DENND5B: variants seen among roughly 807,000 people sequenced by gnomAD.
DENND5B encodes DENN domain-containing protein 5B.
DENND5B carries 34 observed loss-of-function variants against 140.6 expected under a neutral mutation model. That is an observed-to-expected ratio of 0.24 (90% CI 0.18 to 0.32). DENND5B has a LOEUF of 0.32. Among genes scored for constraint, DENND5B ranks in the 10% least tolerant of loss-of-function variants. The probability of loss-of-function intolerance (pLI) is 1.00; values close to 1 mark genes in which losing one functional copy is unlikely to be tolerated. For synonymous variants in DENND5B, 551 were observed against 562.1 expected (o/e 0.98, Z 0.28); for missense variants, 1,142 against 1,560.2 (o/e 0.73, Z 4.52).
At chr12:31,395,547 C>CA (rs1200584696) in intron 17 of DENND5B, among the ~76,000 whole-genome samples, 1 of 151,980 alleles carries the variant, frequency 6.6e-6, no homozygotes, top group African/African-American at 2.4e-5. Flanking sequence ...GAGATGAGAC[C>CA]GCACCACTGC....
chr12:31,467,301 AGATAT>A (rs1186667195), intron 3 of DENND5B, among the ~76,000 whole-genome samples: 1 of 152,152 alleles, frequency 6.6e-6, no homozygotes, highest in African/African-American at 2.4e-5. Flanking sequence ...GAAATCTCTA[AGATAT>A]GAAATAAAAT....
chr12:31,580,696 T>C (rs1241741943), intron 1 of DENND5B, among the ~76,000 whole-genome samples: 3 of 152,180 alleles, frequency 2.0e-5, no homozygotes, highest in Admixed American at 6.5e-5. Flanking sequence ...AGTTCCGCCA[T>C]GTTGGTGAGC....
At position 31,426,395 on chromosome 12, in the gene DENND5B, T is replaced by A; in HGVS notation, c.2136A>T (p.Gly712=). Residue 712 remains glycine, a synonymous_variant, in exon 9 of 21, where the codon GGA becomes GGT. Transcript: ENST00000389082. ...ACAGTTTGGGTTGCCTCAGGTTTTT[T>A]CCTAAACTTCGTGCCTCTTGCATAT... ...EKYMQEARSL[G]KNLRQPKLSD... is the part of the protein sequence containing the mutation. 6.2e-7 allele frequency: 1 copy of A among 1,612,448 alleles called. No homozygotes were observed. Among genetic ancestry groups the A allele is most frequent in the Non-Finnish European group, 8.5e-7 (1 of 1,179,134 alleles).
intron 14 of DENND5B, among the ~76,000 whole-genome samples, chr12:31,408,342 C>G (rs1223256425): frequency 6.6e-6 from 1 of 151,118 alleles, no homozygotes; most frequent in East Asian, 1.9e-4. Context: ...AACAAAATCT[C>G]CAGGTCCAGC....
At chr12:31,426,707 G>A (rs1690723621) in intron 8 of DENND5B, 1 of 280,234 alleles carries the variant, frequency 3.6e-6, no homozygotes, top group East Asian at 8.8e-5. Context: ...TCTTTTTATT[G>A]GGAATACAAA....
intron 1 of DENND5B, among the ~76,000 whole-genome samples, chr12:31,574,416 C>T (rs1030125206): frequency 2.0e-5 from 3 of 151,622 alleles, no homozygotes; most frequent in African/African-American, 7.3e-5. Flanking sequence ...ACAGCAAAAC[C>T]CTGTCTCTAC....
intron 3 of DENND5B, among the ~76,000 whole-genome samples, chr12:31,479,022 A>C (rs764364963): frequency 4.0e-5 from 6 of 149,000 alleles, no homozygotes; most frequent in Admixed American, 1.3e-4. Flanking sequence ...CACACACACA[A>C]CTCTGGCAGA....
At chr12:31,524,568 G>A (rs559567240) in intron 1 of DENND5B, among the ~76,000 whole-genome samples, 6 of 152,112 alleles carry the variant, frequency 3.9e-5, no homozygotes, top group Non-Finnish European at 5.9e-5. Context: ...GAGGAGAATC[G>A]CTTGAACCTG....
chr12:31,432,863 C>A, intron 8 of DENND5B: 1 of 272,448 alleles, frequency 3.7e-6, no homozygotes, highest in South Asian at 7.5e-5. Context: ...GACAATTTTT[C>A]TCCTATAGGA....
intron 13 of DENND5B, among the ~76,000 whole-genome samples, chr12:31,409,837 T>C (rs1291130835): frequency 6.6e-6 from 1 of 152,118 alleles, no homozygotes; most frequent in Admixed American, 6.6e-5. Context: ...GGTCTCGCTA[T>C]ATTGCCCAGG....
chr12:31,520,078 A>G (rs1314368270), intron 1 of DENND5B, among the ~76,000 whole-genome samples: 1 of 152,224 alleles, frequency 6.6e-6, no homozygotes, highest in African/African-American at 2.4e-5. Context: ...GAAAACCCTC[A>G]TAAAATGTGT....
At chr12:31,515,218 T>A (rs1441715176) in intron 1 of DENND5B, among the ~76,000 whole-genome samples, 1 of 152,172 alleles carries the variant, frequency 6.6e-6, no homozygotes, top group Non-Finnish European at 1.5e-5. Flanking sequence ...GGTGGAAGGA[T>A]CACATGAGCC....
rs569004114 is a variant in DENND5B, at chr12:31,399,708, T to C, written c.3014A>G (p.Lys1005Arg). 1.2e-5 allele frequency: 19 copies of C among 1,613,980 alleles called. No individual in the cohort carries two copies. In the East Asian group the frequency reaches 3.8e-4, roughly 32 times the overall value. Reference protein sequence around the residue: ...IGHDNSGLLAKWLVDCVMVRN... With the variant: ...IGHDNSGLLARWLVDCVMVRN... ...GACCATGACACAATCCACTAGCCAT[T>C]TGGCTAACAGTCCTGAGTTATCGTG... The change falls in exon 16 of 21, where the codon AAA becomes AGA. Residue 1005 changes from lysine (K) to arginine (R), a missense_variant. Lys to Arg is a conservative substitution (Grantham distance 26, BLOSUM62 2). Transcript: ENST00000389082.
At chr12:31,460,797 C>T (rs1197518354) in intron 3 of DENND5B, among the ~76,000 whole-genome samples, 3 of 152,168 alleles carry the variant, frequency 2.0e-5, no homozygotes, top group South Asian at 2.1e-4. Context: ...GCGATCTTGG[C>T]ACACTGCAAC....
chr12:31,556,485 A>G (rs1416768860), intron 1 of DENND5B, among the ~76,000 whole-genome samples: 1 of 151,932 alleles, frequency 6.6e-6, no homozygotes, highest in Admixed American at 6.6e-5. Flanking sequence ...TACAGGCGTG[A>G]GCCACCATGC....
intron 11 of DENND5B, among the ~76,000 whole-genome samples, chr12:31,421,813 A>C (rs1180668977): frequency 6.6e-6 from 1 of 152,050 alleles, no homozygotes; most frequent in African/African-American, 2.4e-5. Flanking sequence ...TGCCCTCCCA[A>C]AGTGTTGGGA....
chr12:31,396,065 T>G (rs1941448433), intron 17 of DENND5B, among the ~76,000 whole-genome samples: 1 of 143,156 alleles, frequency 7.0e-6, no homozygotes, highest in African/African-American at 2.6e-5. Context: ...TGTTTTTTTT[T>G]TTTTTTTTTT....
Position 31,398,218 on chromosome 12 carries a change from C to A in DENND5B, c.3213G>T (p.Thr1071=). 1 of 1,605,196 alleles carries A rather than the reference C, an allele frequency of 6.2e-7. No individual in the cohort carries two copies. ...RTPPQQKSPT[T]ARRLSITSLT... ...GTGAAGTGATGCTCAATCTCCTAGCCGTGGTGGGTGACTTCTGCTGGGGTG... is the reference window on the plus strand; with the variant it reads ...GTGAAGTGATGCTCAATCTCCTAGCAGTGGTGGGTGACTTCTGCTGGGGTG... The change falls in exon 17 of 21, where the codon ACG becomes ACT. Residue 1071 remains threonine (T), a synonymous_variant. Transcript: ENST00000389082.
At chr12:31,439,017 C>T (rs944992009) in intron 7 of DENND5B, among the ~76,000 whole-genome samples, 6 of 152,206 alleles carry the variant, frequency 3.9e-5, no homozygotes, top group African/African-American at 1.4e-4. Context: ...ATTTTCAAAA[C>T]AGGGAAATGA....
Sources: gnomAD v4.1 joint callset for allele counts (sites outside exome capture counted in the v4.1 genomes callset) on GRCh38, gnomAD v4.1.1 for gene constraint, MANE v1.5 for transcripts, NCBI Gene and HGNC (gene_info 2026-07-23, HGNC 2026-07-21) for gene names.